The following CACNA1E variants were observed in gnomAD, a reference collection of about 807,000 sequenced individuals.
The protein encoded by CACNA1E is calcium voltage-gated channel subunit alpha1 E.
In CACNA1E, 40 loss-of-function variants were observed where a neutral mutation model predicts 259.2. That is an observed-to-expected ratio of 0.15 (90% CI 0.12 to 0.20). The LOEUF is 0.20. CACNA1E is among the 10% of genes least tolerant of loss of function. The probability of loss-of-function intolerance (pLI) is 1.00; values close to 1 mark genes in which losing one functional copy is unlikely to be tolerated. For missense variants in CACNA1E, 1,874 were observed against 3,040.1 expected, an observed-to-expected ratio of 0.62 and a Z score of 9.02; for synonymous variants, 1,104 against 1,138.5, an observed-to-expected ratio of 0.97 and a Z score of 0.61.
intron 6 of CACNA1E, among the ~76,000 whole-genome samples, chr1:181,611,525 G>A (rs1356343568): frequency 6.6e-6 from 1 of 152,052 alleles, no homozygotes; most frequent in Non-Finnish European, 1.5e-5. Flanking sequence ...TTTTGGGCAG[G>A]TGCACCTCTA....
chr1:181,594,386 G>A (rs1299445280), intron 6 of CACNA1E, among the ~76,000 whole-genome samples: 1 of 152,130 alleles, frequency 6.6e-6, no homozygotes, highest in Non-Finnish European at 1.5e-5. Flanking sequence ...GAATAAAGTA[G>A]TATCAGGCAT....
At chr1:181,694,324 T>A (rs983178491) in intron 7 of CACNA1E, among the ~76,000 whole-genome samples, 1 of 152,276 alleles carries the variant, frequency 6.6e-6, no homozygotes, top group East Asian at 1.9e-4. Flanking sequence ...AGACTTGCAG[T>A]AAATTAATAA....
chr1:181,636,945 C>G (rs1306338892), intron 6 of CACNA1E, among the ~76,000 whole-genome samples: 1 of 152,214 alleles, frequency 6.6e-6, no homozygotes, highest in African/African-American at 2.4e-5. Context: ...TTTTCTGAAC[C>G]TTCTCCAAAG....
intron 1 of CACNA1E, among the ~76,000 whole-genome samples, chr1:181,322,730 C>A (rs2609483): frequency 0.31 from 46,389 of 152,066 alleles, 8,127 homozygotes; most frequent in African/African-American, 0.47. Flanking sequence ...ATTGCTGTGG[C>A]AGATTCAGTC....
At position 181,739,253 on chromosome 1, in the gene CACNA1E, C is replaced by A; in HGVS notation, c.3719C>A (p.Ala1240Glu). The change falls in exon 25 of 48, where the codon GCG becomes GAG. Residue 1240 changes from alanine to glutamate, a missense_variant and splice_region_variant. Ala to Glu is a moderately radical substitution (Grantham distance 107). Coordinates refer to ENST00000367573, the MANE Select transcript of CACNA1E (RefSeq NM_001205293.3). ...VVGALVAFAL[A>E]NALGTNKGRD... is the part of the protein sequence containing the mutation. ...GGCGCATTGGTGGCCTTTGCTCTGG[C>A]GTAAGTGACTCTTTTCATATTTGAT... The A allele has an allele frequency of 1.3e-6, 2 of 1,582,900 alleles. No individual in the cohort carries two copies. Among genetic ancestry groups the A allele is most frequent in the Non-Finnish European group, 1.7e-6 (2 of 1,151,630 alleles).
intron 1 of CACNA1E, among the ~76,000 whole-genome samples, chr1:181,326,623 C>T (rs1210966406): frequency 1.3e-5 from 2 of 152,188 alleles, no homozygotes; most frequent in South Asian, 2.1e-4. Flanking sequence ...CCTCCCTTTG[C>T]CTTGGCCACC....
intron 2 of CACNA1E, among the ~76,000 whole-genome samples, chr1:181,478,122 T>C (rs1247676693): frequency 6.6e-6 from 1 of 152,252 alleles, no homozygotes; most frequent in East Asian, 1.9e-4. Flanking sequence ...AGTCCCTGAC[T>C]CTCTGGGTGT....
At chr1:181,672,946 G>A (rs141083091) in intron 7 of CACNA1E, among the ~76,000 whole-genome samples, 56 of 152,252 alleles carry the variant, frequency 3.7e-4, no homozygotes, top group Middle Eastern at 6.8e-3. Flanking sequence ...ACTAGCTCAC[G>A]TATGGGGTTT....
intron 37 of CACNA1E, among the ~76,000 whole-genome samples, chr1:181,772,883 C>A (rs933850655): frequency 4.6e-5 from 7 of 152,104 alleles, no homozygotes; most frequent in African/African-American, 1.7e-4. Context: ...TGGTGGGAAG[C>A]CCTACGTGCC....
chr1:181,440,316 T>C (rs1366015130), intron 2 of CACNA1E, among the ~76,000 whole-genome samples: 2 of 152,234 alleles, frequency 1.3e-5, no homozygotes, highest in Admixed American at 6.5e-5. Context: ...ATCCTGCTTA[T>C]TGATGCCCCA....
At chr1:181,761,503 T>C (rs547306686) in intron 32 of CACNA1E, among the ~76,000 whole-genome samples, 6 of 152,346 alleles carry the variant, frequency 3.9e-5, no homozygotes, top group Non-Finnish European at 2.9e-5. Context: ...TCTGCAGTGC[T>C]CTGAGAGTCT....
chr1:181,468,782 A>G lies in CACNA1E; in HGVS notation c.435-14962A>G, dbSNP rs180909463. Reference sequence around the variant, plus strand: ...TAATTTTTTGGCAGGTGGCTATGGAAGAAGGGGTAAGGAAGGGAGAAAGAA... The same window carrying G: ...TAATTTTTTGGCAGGTGGCTATGGAGGAAGGGGTAAGGAAGGGAGAAAGAA... On this transcript the variant is annotated intron_variant, in intron 2 of 11. Coordinates refer to the CACNA1E transcript ENST00000524607. 4.4e-3 allele frequency among the ~76,000 whole-genome samples: 671 copies of G among 152,250 alleles called. 4 individuals are homozygous for G. The highest frequency in any genetic ancestry group is 0.01 in the Middle Eastern group (3 of 294).
chr1:181,795,081 C>T (rs748801957), intron 46 of CACNA1E, 37 bp downstream of exon 46: 2 of 1,558,656 alleles, frequency 1.3e-6, no homozygotes, highest in Admixed American at 3.4e-5. Flanking sequence ...TTTCATCAGG[C>T]AGTGGGCTCC....
chr1:181,580,668 C>G lies in CACNA1E; in HGVS notation c.843C>G (p.Asp281Glu). 6.2e-7 allele frequency: 1 copy of G among 1,614,052 alleles called. No individual in the cohort carries two copies. The highest frequency in any genetic ancestry group is 1.3e-5 in the African/African-American group (1 of 75,070). Residue 281 changes from aspartate (D) to glutamate (E), a missense_variant, in exon 6 of 48, where the codon GAC becomes GAG. By Grantham distance (45) the Asp-to-Glu change is conservative. Around this residue, in one of 14 missense-constraint regions of CACNA1E, gnomAD observed 28 missense variants for 64.6 expected, o/e 0.43. Coordinates refer to ENST00000367573, the MANE Select transcript of CACNA1E (RefSeq NM_001205293.3). ...QGCPAGYECK[D>E]WIGPNDGITQ... is the part of the protein sequence containing the mutation. ...GCCCAGCTGGTTATGAATGCAAGGA[C>G]TGGATCGGCCCCAATGATGGGATCA...
At chr1:181,320,846 C>T (rs1041404322) in intron 1 of CACNA1E, among the ~76,000 whole-genome samples, 1 of 152,146 alleles carries the variant, frequency 6.6e-6, no homozygotes, top group Non-Finnish European at 1.5e-5. Context: ...TGCTTGGTGT[C>T]CGTCTTAGTC....
At chr1:181,621,000 A>C (rs1364468220) in intron 6 of CACNA1E, among the ~76,000 whole-genome samples, 1 of 152,234 alleles carries the variant, frequency 6.6e-6, no homozygotes, top group Non-Finnish European at 1.5e-5. Context: ...AGCATGGAAA[A>C]AAACAAGGAG....
chr1:181,692,400 CTATAT>C (rs772493236), intron 7 of CACNA1E, among the ~76,000 whole-genome samples: 24 of 152,240 alleles, frequency 1.6e-4, no homozygotes, highest in South Asian at 8.3e-4. Flanking sequence ...TGATTTCAAA[CTATAT>C]TATAAGACTA....
At chr1:181,460,610 A>T (rs1661740354) in intron 2 of CACNA1E, among the ~76,000 whole-genome samples, 1 of 152,110 alleles carries the variant, frequency 6.6e-6, no homozygotes, top group Non-Finnish European at 1.5e-5. Context: ...TTTTATTCAA[A>T]CCCATCCATG....
intron 16 of CACNA1E, among the ~76,000 whole-genome samples, chr1:181,724,089 G>A (rs994792967): frequency 6.6e-6 from 1 of 152,114 alleles, no homozygotes. Flanking sequence ...AGCTACCTAG[G>A]GGCTACCAGA....
Sources: allele counts gnomAD v4.1 joint callset (sites outside exome capture counted in the v4.1 genomes callset), GRCh38; gene constraint gnomAD v4.1.1; regional missense constraint gnomAD v4.1.1; transcripts MANE v1.5; gene names NCBI Gene and HGNC (gene_info 2026-07-23, HGNC 2026-07-21).